The following BRD10 variants were observed in gnomAD, a reference collection of about 807,000 sequenced individuals.
The protein encoded by BRD10 is uncharacterized bromodomain-containing protein 10.
At chr9:5,913,943 G>A in the BRD10 span, 5 of 435,294 alleles carry the variant, frequency 1.1e-5, no homozygotes, top group Non-Finnish European at 2.3e-5. Flanking sequence ...CCTACAGGAA[G>A]ATGGCCTCGA....
the BRD10 span, among the ~76,000 whole-genome samples, chr9:5,929,896 G>T: frequency 6.6e-6 from 1 of 152,028 alleles, no homozygotes; most frequent in Non-Finnish European, 1.5e-5. Context: ...ACTTAAACCC[G>T]TATCTGCCTG....
At chr9:5,921,342 G>C in the BRD10 span, 1 of 1,613,946 alleles carries the variant, frequency 6.2e-7, no homozygotes, top group Non-Finnish European at 8.5e-7. Context: ...ACTGTAGACG[G>C]AATCAGTACT....
the BRD10 span, chr9:5,920,970 C>T: frequency 1.2e-6 from 2 of 1,613,840 alleles, no homozygotes; most frequent in Non-Finnish European, 1.7e-6. Flanking sequence ...GGAGGTTGTG[C>T]CCCAGCTGAA....
At chr9:5,919,690 T>C in the BRD10 span, 4 of 1,605,626 alleles carry the variant, frequency 2.5e-6, no homozygotes, top group Middle Eastern at 1.7e-4. Flanking sequence ...AAATTCAAGA[T>C]GCAGCTCTGT....
chr9:5,976,057 T>C, the BRD10 span, among the ~76,000 whole-genome samples: 1 of 152,158 alleles, frequency 6.6e-6, no homozygotes, highest in African/African-American at 2.4e-5. Flanking sequence ...TTTAGAAATG[T>C]GAACATGATT....
At chr9:5,896,845 C>G in the BRD10 span, among the ~76,000 whole-genome samples, 1 of 152,194 alleles carries the variant, frequency 6.6e-6, no homozygotes, top group Non-Finnish European at 1.5e-5. Flanking sequence ...TAGACAAGAT[C>G]CTTCTCAATA....
chr9:5,957,691 T>G, the BRD10 span, among the ~76,000 whole-genome samples: 1 of 152,174 alleles, frequency 6.6e-6, no homozygotes, highest in Non-Finnish European at 1.5e-5. Flanking sequence ...GGATGATTTG[T>G]ACATTTACTA....
At chr9:5,881,261 C>G in the BRD10 span, among the ~76,000 whole-genome samples, 25 of 152,214 alleles carry the variant, frequency 1.6e-4, no homozygotes, top group Middle Eastern at 3.4e-3. Flanking sequence ...CAGTTAAAGG[C>G]CTTCCTTATA....
chr9:5,892,433 C>T, the BRD10 span: 1 of 1,584,152 alleles, frequency 6.3e-7, no homozygotes, highest in Non-Finnish European at 8.6e-7. Context: ...ATGATGCCCA[C>T]ATGCTCCTTC....
chr9:5,881,365 G>T, the BRD10 span, among the ~76,000 whole-genome samples: 1 of 152,218 alleles, frequency 6.6e-6, no homozygotes, highest in African/African-American at 2.4e-5. Flanking sequence ...AGAGTTGGCC[G>T]CTATGAAGGG....
chr9:5,949,477 A>G, the BRD10 span, among the ~76,000 whole-genome samples: 1 of 152,190 alleles, frequency 6.6e-6, no homozygotes, highest in African/African-American at 2.4e-5. Flanking sequence ...CATTGGTTAG[A>G]TGGAGAAGTA....
the BRD10 span, chr9:6,007,596 C>G: frequency 6.2e-7 from 1 of 1,607,184 alleles, no homozygotes; most frequent in South Asian, 1.1e-5. Flanking sequence ...CGCCTCCGAT[C>G]ACCATCGCCT....
the BRD10 span, among the ~76,000 whole-genome samples, chr9:5,955,532 T>C: frequency 7.9e-5 from 12 of 152,222 alleles, no homozygotes; most frequent in Non-Finnish European, 1.8e-4. Flanking sequence ...AGTTTATAAT[T>C]TGTTTTTTGT....
At chr9:5,985,574 T>C in the BRD10 span, among the ~76,000 whole-genome samples, 2 of 152,170 alleles carry the variant, frequency 1.3e-5, no homozygotes, top group Non-Finnish European at 2.9e-5. Flanking sequence ...TCACCTGAGG[T>C]TGGGAGTTCA....
At chr9:5,920,088 AAG>A in the BRD10 span, 1 of 1,613,918 alleles carries the variant, frequency 6.2e-7, no homozygotes, top group East Asian at 2.2e-5. Flanking sequence ...GCATTCCCAA[AAG>A]AGTTTATAAA....
the BRD10 span, chr9:6,007,730 G>C: frequency 1.2e-6 from 2 of 1,600,166 alleles, no homozygotes; most frequent in African/African-American, 2.7e-5. Context: ...GCCGCCGGTG[G>C]CGGCCGCTCT....
the BRD10 span, among the ~76,000 whole-genome samples, chr9:5,931,943 A>AACTCACAC: frequency 6.6e-6 from 1 of 152,136 alleles, no homozygotes; most frequent in African/African-American, 2.4e-5. Flanking sequence ...GTAAAAGGGA[A>AACTCACAC]ACTCACACTG....
the BRD10 span, among the ~76,000 whole-genome samples, chr9:5,932,719 C>G: frequency 6.6e-6 from 1 of 152,104 alleles, no homozygotes; most frequent in African/African-American, 2.4e-5. Context: ...CAGAAGCAGC[C>G]ATTAGACTAG....
chr9:5,916,037 C>G, the BRD10 span, among the ~76,000 whole-genome samples: 1 of 152,020 alleles, frequency 6.6e-6, no homozygotes, highest in Non-Finnish European at 1.5e-5. Context: ...CTAAACTATG[C>G]TATACCCTTC....
Sources: allele counts gnomAD v4.1 joint callset (sites outside exome capture counted in the v4.1 genomes callset), GRCh38; gene constraint gnomAD v4.1.1; transcripts MANE v1.5; gene names NCBI Gene and HGNC (gene_info 2026-07-23, HGNC 2026-07-21).